Variants in NCKAP5 observed in about 807,000 individuals in gnomAD.
NCKAP5 encodes the protein NCK associated protein 5.
In NCKAP5, 92 loss-of-function variants were observed where a neutral mutation model predicts 167.0. The observed-to-expected ratio is 0.55, with a 90% CI of 0.47 to 0.66. The LOEUF is 0.66. Among genes scored for constraint, NCKAP5 ranks in the 30% least tolerant of loss-of-function variants. The pLI, the probability that NCKAP5 is intolerant of heterozygous loss-of-function variation, is 0.00. For missense variants in NCKAP5, 2,378 were observed against 2,315.0 expected, an observed-to-expected ratio of 1.03 and a Z score of -0.56; for synonymous variants, 891 against 877.4, an observed-to-expected ratio of 1.02 and a Z score of -0.27.
chr2:133,310,141 A>C (rs1681129002), intron 3 of NCKAP5, among the ~76,000 whole-genome samples: 1 of 152,240 alleles, frequency 6.6e-6, no homozygotes, highest in African/African-American at 2.4e-5. Flanking sequence ...TGGTGAATGC[A>C]AAAAACTCAA....
intron 5 of NCKAP5, among the ~76,000 whole-genome samples, chr2:133,209,726 T>A (rs1042836820): frequency 1.3e-5 from 2 of 152,258 alleles, no homozygotes; most frequent in African/African-American, 4.8e-5. Context: ...ATTGTAGTAG[T>A]ATACCAATGT....
chr2:133,332,717 G>GA lies in NCKAP5; in HGVS notation c.70-29608dup, dbSNP rs1054481899. Among the ~76,000 whole-genome samples the GA allele has an allele frequency of 1.2e-3, 188 of 151,056 alleles. 1 individual carries two copies. Among genetic ancestry groups the GA allele is most frequent in the South Asian group, 8.4e-4 (4 of 4,774 alleles). On this transcript the variant is annotated intron_variant, in intron 3 of 19. Coordinates refer to ENST00000409261, the MANE Select transcript of NCKAP5 (RefSeq NM_207363.3). ...TACACCTTGGGCTTCTAGTATTCCAGAAAAAAAAATAATAATAAGTGTTTC... is the reference window on the plus strand; with the variant it reads ...TACACCTTGGGCTTCTAGTATTCCAGAAAAAAAAAATAATAATAAGTGTTTC...
the NCKAP5 span, among the ~76,000 whole-genome samples, chr2:133,610,853 A>T: frequency 6.6e-6 from 1 of 152,146 alleles, no homozygotes; most frequent in East Asian, 1.9e-4. Flanking sequence ...CAAAGAAAAA[A>T]ATATATATTC....
At chr2:133,513,527 C>A (rs887456994) in intron 3 of NCKAP5, among the ~76,000 whole-genome samples, 7 of 152,186 alleles carry the variant, frequency 4.6e-5, no homozygotes, top group Non-Finnish European at 7.3e-5. Context: ...AAAATGGAAA[C>A]CATCCAGCAC....
chr2:133,307,012 C>T (rs530429205), intron 3 of NCKAP5, among the ~76,000 whole-genome samples: 10 of 152,310 alleles, frequency 6.6e-5, no homozygotes, highest in Non-Finnish European at 1.5e-4. Context: ...ATTCCTAACA[C>T]ATATCTATGA....
At chr2:133,281,105 A>G (rs1262417042) in intron 4 of NCKAP5, among the ~76,000 whole-genome samples, 2 of 152,252 alleles carry the variant, frequency 1.3e-5, no homozygotes, top group African/African-American at 2.4e-5. Context: ...TTGCTGCTGA[A>G]TATCAGTGAC....
chr2:132,732,183 G>A, intron 16 of NCKAP5, 132 bp from the exon 17 acceptor site: 1 of 855,240 alleles, frequency 1.2e-6, no homozygotes, highest in Middle Eastern at 3.2e-4. Flanking sequence ...AAAGAAAAAT[G>A]TCACAAGGAC....
At chr2:133,647,129 A>G in the NCKAP5 span, among the ~76,000 whole-genome samples, 1 of 152,038 alleles carries the variant, frequency 6.6e-6, no homozygotes, top group Non-Finnish European at 1.5e-5. Context: ...CTAAGGCCAG[A>G]AGCTCATGAC....
At chr2:133,641,181 A>C in the NCKAP5 span, among the ~76,000 whole-genome samples, 1,112 of 152,358 alleles carry the variant, frequency 7.3e-3, 15 homozygotes, top group African/African-American at 0.025. Context: ...CTGTAAGAGC[A>C]GCAAAGGTTA....
chr2:132,856,772 C>T (rs1689504842), intron 11 of NCKAP5, among the ~76,000 whole-genome samples: 1 of 152,142 alleles, frequency 6.6e-6, no homozygotes, highest in South Asian at 2.1e-4. Context: ...TGATCTGACT[C>T]AATCCTAGGT....
At chr2:133,389,816 T>C (rs1459052184) in intron 3 of NCKAP5, among the ~76,000 whole-genome samples, 5 of 152,212 alleles carry the variant, frequency 3.3e-5, no homozygotes, top group Admixed American at 6.5e-5. Context: ...ATGAACTCAA[T>C]TCTTTTCACA....
intron 6 of NCKAP5, among the ~76,000 whole-genome samples, chr2:133,102,093 A>C (rs1194993116): frequency 6.6e-6 from 1 of 152,190 alleles, no homozygotes; most frequent in Non-Finnish European, 1.5e-5. Context: ...GCATGAGGTC[A>C]CTAAGAATGA....
intron 8 of NCKAP5, among the ~76,000 whole-genome samples, chr2:132,893,936 G>A (rs58260192): frequency 0.038 from 5,738 of 152,182 alleles, 321 homozygotes; most frequent in African/African-American, 0.12. Context: ...CAGAGCCCTA[G>A]GAGAGGGCCT....
intron 4 of NCKAP5, among the ~76,000 whole-genome samples, chr2:133,259,367 ATAAC>A (rs1378182543): frequency 2.0e-5 from 3 of 152,220 alleles, no homozygotes; most frequent in East Asian, 1.9e-4. Flanking sequence ...AAATAATTTT[ATAAC>A]TAACTTATAA....
Position 132,785,506 on chromosome 2 carries a change from T to G in NCKAP5, c.1305A>C (p.Gly435=). The part of the protein sequence containing the change: ...GYKDCMNSNE[G]IYSPGIKSSS... ...TACTTTTAATTCCAGGAGAATATATTCCTTCATTCGAGTTCATGCAATCTT... is the reference window on the plus strand; with the variant it reads ...TACTTTTAATTCCAGGAGAATATATGCCTTCATTCGAGTTCATGCAATCTT... Residue 435 remains glycine (G), a synonymous_variant, in exon 14 of 20, where the codon GGA becomes GGC. Coordinates refer to ENST00000409261, the MANE Select transcript of NCKAP5 (RefSeq NM_207363.3). 1 of 1,612,248 alleles carries G rather than the reference T, an allele frequency of 6.2e-7. No homozygotes were observed. The highest frequency in any genetic ancestry group is 8.5e-7 in the Non-Finnish European group (1 of 1,179,064).
At chr2:133,650,795 T>C in the NCKAP5 span, among the ~76,000 whole-genome samples, 1 of 152,066 alleles carries the variant, frequency 6.6e-6, no homozygotes, top group Non-Finnish European at 1.5e-5. Flanking sequence ...GGCAGGAGAA[T>C]CACTCGAACC....
chr2:132,967,931 C>A (rs1264684010), intron 7 of NCKAP5, among the ~76,000 whole-genome samples: 1 of 152,106 alleles, frequency 6.6e-6, no homozygotes, highest in African/African-American at 2.4e-5. Flanking sequence ...GTGGCCATTA[C>A]AGCAAAGGCC....
At chr2:132,944,429 T>C (rs111531412) in intron 8 of NCKAP5, among the ~76,000 whole-genome samples, 4 of 152,352 alleles carry the variant, frequency 2.6e-5, no homozygotes, top group African/African-American at 9.6e-5. Flanking sequence ...GACCTTAAAA[T>C]TGTCATCTCA....
intron 6 of NCKAP5, among the ~76,000 whole-genome samples, chr2:133,067,943 C>A (rs1473619598): frequency 6.6e-6 from 1 of 152,102 alleles, no homozygotes; most frequent in Non-Finnish European, 1.5e-5. Context: ...ACAACCAGAA[C>A]TTTATTCCCC....
Sources: allele counts gnomAD v4.1 joint callset (sites outside exome capture counted in the v4.1 genomes callset), GRCh38; gene constraint gnomAD v4.1.1; transcripts MANE v1.5; gene names NCBI Gene and HGNC (gene_info 2026-07-23, HGNC 2026-07-21).